PRRX1: variants seen among roughly 807,000 people sequenced by gnomAD.
The protein encoded by PRRX1 is paired mesoderm homeobox protein 1.
In PRRX1, 8 loss-of-function variants were observed where a neutral mutation model predicts 24.0. The observed-to-expected ratio is 0.33, with a 90% CI of 0.20 to 0.60. PRRX1 has a LOEUF of 0.60. Ranked by LOEUF, PRRX1 falls within the 20% of genes least tolerant of loss-of-function variation. PRRX1 has a pLI of 0.82. For synonymous variants in PRRX1, 160 were observed against 131.7 expected (o/e 1.22, Z -1.47); for missense variants, 281 against 322.4 (o/e 0.87, Z 0.98).
intron 1 of PRRX1, among the ~76,000 whole-genome samples, chr1:170,706,681 C>A (rs1654579947): frequency 6.6e-6 from 1 of 152,078 alleles, no homozygotes; most frequent in South Asian, 2.1e-4. Flanking sequence ...TGGTCTGGGG[C>A]TATGATTAAT....
chr1:170,704,827 G>C (rs952681073), intron 1 of PRRX1, among the ~76,000 whole-genome samples: 1 of 152,084 alleles, frequency 6.6e-6, no homozygotes, highest in Non-Finnish European at 1.5e-5. Context: ...TTTTCTTCTG[G>C]ATTCTCTCCT....
At chr1:170,730,797 T>C (rs996825901) in intron 3 of PRRX1, among the ~76,000 whole-genome samples, 1 of 152,212 alleles carries the variant, frequency 6.6e-6, no homozygotes, top group South Asian at 2.1e-4. Context: ...TGCTCTCTTA[T>C]GCAGCTTTGT....
intron 1 of PRRX1, among the ~76,000 whole-genome samples, chr1:170,711,410 GC>G (rs1486143875): frequency 2.6e-5 from 4 of 152,248 alleles, no homozygotes; most frequent in African/African-American, 7.2e-5. Flanking sequence ...AAGTTCAAAT[GC>G]CTTGTAGCTG....
At chr1:170,673,738 T>C (rs181515180) in intron 1 of PRRX1, among the ~76,000 whole-genome samples, 1 of 152,324 alleles carries the variant, frequency 6.6e-6, no homozygotes, top group East Asian at 1.9e-4. Context: ...TCCTATATGG[T>C]AACATGTGGA....
chr1:170,731,267 C>T (rs1330296436), intron 3 of PRRX1, among the ~76,000 whole-genome samples: 1 of 152,180 alleles, frequency 6.6e-6, no homozygotes, highest in Non-Finnish European at 1.5e-5. Flanking sequence ...CTTTCTGCAA[C>T]TTCTATGCAT....
intron 1 of PRRX1, among the ~76,000 whole-genome samples, chr1:170,706,929 G>C (rs1420705412): frequency 6.6e-6 from 1 of 151,968 alleles, no homozygotes; most frequent in Non-Finnish European, 1.5e-5. Context: ...AGGAGTTCAA[G>C]ACTAGTCTTG....
chr1:170,692,287 C>T (rs1654014265), intron 1 of PRRX1, among the ~76,000 whole-genome samples: 1 of 151,964 alleles, frequency 6.6e-6, no homozygotes, highest in Admixed American at 6.6e-5. Flanking sequence ...GGTAAGAACC[C>T]AATTTATTTT....
intron 3 of PRRX1, chr1:170,730,453 T>C: frequency 2.1e-6 from 2 of 944,466 alleles, no homozygotes; most frequent in East Asian, 2.4e-5. Flanking sequence ...ATTTCAGCAG[T>C]GAAGTCCTCA....
intron 1 of PRRX1, among the ~76,000 whole-genome samples, chr1:170,693,676 T>C (rs1160642727): frequency 3.3e-5 from 5 of 152,114 alleles, no homozygotes; most frequent in Admixed American, 3.3e-4. Flanking sequence ...ATAGTGTGGA[T>C]AGTATGATGG....
intron 1 of PRRX1, among the ~76,000 whole-genome samples, chr1:170,673,468 C>A (rs1027138068): frequency 6.6e-6 from 1 of 152,088 alleles, no homozygotes; most frequent in African/African-American, 2.4e-5. Context: ...GTACTAGCCA[C>A]TTTACCCTCC....
intron 1 of PRRX1, among the ~76,000 whole-genome samples, chr1:170,677,474 G>A (rs780666474): frequency 1.2e-4 from 18 of 152,208 alleles, no homozygotes; most frequent in Non-Finnish European, 2.5e-4. Flanking sequence ...CCACCCCACA[G>A]CATCTCTGAC....
chr1:170,736,701 T>G lies in PRRX1; in HGVS notation c.*515T>G, dbSNP rs1655620587. The stretch of plus-strand genomic sequence containing the variant: ...AGCCAAAGTCTTTCTGAAGAATCTG[T>G]GCTGGACAGACATAATTCCCTTTCT... On this transcript the variant is annotated 3_prime_UTR_variant, in exon 4 of 4. Coordinates refer to ENST00000239461, the MANE Select transcript of PRRX1 (RefSeq NM_022716.4). The G allele has an allele frequency of 1.0e-5, 2 of 195,562 alleles. No individual in the cohort carries two copies. Among genetic ancestry groups the G allele is most frequent in the Non-Finnish European group, 2.1e-5 (2 of 93,550 alleles). The allele number at this position is 195,562 out of a possible 1,614,324, so 12.1% of individuals were successfully genotyped here. A position where few individuals can be genotyped will look rare whatever the true frequency, so the allele number is the denominator to read the frequency against.
chr1:170,710,566 G>C (rs1024966244), intron 1 of PRRX1, among the ~76,000 whole-genome samples: 1 of 152,172 alleles, frequency 6.6e-6, no homozygotes, highest in African/African-American at 2.4e-5. Flanking sequence ...TGTATCACTT[G>C]TATCTTAAAG....
intron 1 of PRRX1, among the ~76,000 whole-genome samples, chr1:170,687,985 G>T (rs1319686256): frequency 6.6e-6 from 1 of 152,158 alleles, no homozygotes; most frequent in Admixed American, 6.6e-5. Flanking sequence ...CCGGGAAAGA[G>T]AAATAGCTAA....
chr1:170,732,479 C>T (rs556861949), intron 3 of PRRX1, among the ~76,000 whole-genome samples: 2 of 152,286 alleles, frequency 1.3e-5, no homozygotes, highest in African/African-American at 4.8e-5. Flanking sequence ...TCTTTTCTGA[C>T]TTGTAATACA....
chr1:170,680,304 A>T (rs1033633077), intron 1 of PRRX1, among the ~76,000 whole-genome samples: 2 of 152,226 alleles, frequency 1.3e-5, no homozygotes, highest in African/African-American at 4.8e-5. Flanking sequence ...CAGGATAAGT[A>T]TGATTTTAGA....
chr1:170,698,752 C>A (rs1198669012), intron 1 of PRRX1, among the ~76,000 whole-genome samples: 1 of 152,158 alleles, frequency 6.6e-6, no homozygotes, highest in Non-Finnish European at 1.5e-5. Flanking sequence ...ACAACTGTCA[C>A]ATCTTTCTGC....
intron 1 of PRRX1, among the ~76,000 whole-genome samples, chr1:170,677,477 T>A (rs575880312): frequency 1.3e-5 from 2 of 152,200 alleles, no homozygotes; most frequent in African/African-American, 2.4e-5. Flanking sequence ...CCCCACAGCA[T>A]CTCTGACTAG....
At chr1:170,685,756 G>A (rs371368962) in intron 1 of PRRX1, among the ~76,000 whole-genome samples, 8 of 152,024 alleles carry the variant, frequency 5.3e-5, no homozygotes, top group African/African-American at 1.9e-4. Context: ...CCTCTATGAA[G>A]CTCTAATATA....
Sources: gnomAD v4.1 joint callset for allele counts (sites outside exome capture counted in the v4.1 genomes callset) on GRCh38, gnomAD v4.1.1 for gene constraint, MANE v1.5 for transcripts, NCBI Gene and HGNC (gene_info 2026-07-23, HGNC 2026-07-21) for gene names.